The following RGS12 variants were observed in gnomAD, a reference collection of about 807,000 sequenced individuals.
RGS12 encodes the protein regulator of G protein signaling 12.
RGS12 carries 66 observed loss-of-function variants against 120.1 expected under a neutral mutation model. The observed-to-expected ratio is 0.55, with a 90% CI of 0.45 to 0.67. The LOEUF is 0.67. RGS12 is among the 30% of genes least tolerant of loss of function. The probability of loss-of-function intolerance (pLI) is 0.00; values close to 1 mark genes in which losing one functional copy is unlikely to be tolerated. For synonymous variants in RGS12, 827 were observed against 804.7 expected, an observed-to-expected ratio of 1.03 and a Z score of -0.47; for missense variants, 1,859 against 1,957.7, an observed-to-expected ratio of 0.95 and a Z score of 0.95.
intron 15 of RGS12, 44 bp from the exon 16 acceptor site, chr4:3,428,514 T>C (rs1247137433): frequency 1.3e-6 from 2 of 1,495,340 alleles, no homozygotes; most frequent in East Asian, 2.3e-5. Flanking sequence ...TGTATTGTCG[T>C]GTATTGAAAT....
intron 3 of RGS12, among the ~76,000 whole-genome samples, chr4:3,355,764 T>G (rs2108817084): frequency 8.0e-6 from 1 of 124,260 alleles, no homozygotes; most frequent in South Asian, 2.4e-4. Flanking sequence ...CGCTGCATTC[T>G]AGGCTGGGGG....
upstream of RGS12, among the ~76,000 whole-genome samples, chr4:3,289,662 A>AT (rs1303964702): frequency 6.6e-6 from 1 of 152,134 alleles, no homozygotes; most frequent in Non-Finnish European, 1.5e-5. Context: ...TTCACATCCC[A>AT]TTTTTTGTGA....
intron 3 of RGS12, among the ~76,000 whole-genome samples, chr4:3,349,948 A>G (rs765439589): frequency 2.6e-5 from 4 of 152,238 alleles, no homozygotes; most frequent in Admixed American, 6.5e-5. Flanking sequence ...ATTACATGAC[A>G]GTCTATAAGC....
intron 1 of RGS12, among the ~76,000 whole-genome samples, chr4:3,306,526 C>T (rs1397646985): frequency 1.3e-5 from 2 of 152,250 alleles, no homozygotes; most frequent in Non-Finnish European, 2.9e-5. Context: ...TATTTGGGCT[C>T]CTGTCCTGCC....
At chr4:3,368,253 CAG>C (rs1012288771) in intron 3 of RGS12, among the ~76,000 whole-genome samples, 1 of 152,212 alleles carries the variant, frequency 6.6e-6, no homozygotes, top group Non-Finnish European at 1.5e-5. Context: ...AGGTCAGCGT[CAG>C]GGGCTCACCC....
In RGS12 at chr4:3,335,915, C is replaced by T. The variant is rs544014402; in HGVS notation, c.1882-7022C>T. On this transcript the variant is annotated intron_variant, in intron 2 of 17. Coordinates refer to ENST00000336727, the MANE Select transcript of RGS12 (RefSeq NM_001394154.1). ...GACCAGCCTGGCCAACATAGTGAAA[C>T]CCCGTCTCTACTAAAAATACAAAAA... Among the ~76,000 whole-genome samples the T allele has an allele frequency of 1.0e-3, 154 of 152,244 alleles. 1 individual carries two copies. The highest frequency in any genetic ancestry group is 3.6e-3 in the African/African-American group (148 of 41,542).
intron 3 of RGS12, among the ~76,000 whole-genome samples, chr4:3,382,361 C>T (rs1032619933): frequency 6.6e-6 from 1 of 152,204 alleles, no homozygotes; most frequent in African/African-American, 2.4e-5. Context: ...TCCTCCTCAG[C>T]TCCACTCCTG....
At chr4:3,286,840 G>A in the RGS12 span, among the ~76,000 whole-genome samples, 442 of 152,358 alleles carry the variant, frequency 2.9e-3, 4 homozygotes, top group Middle Eastern at 0.01. Flanking sequence ...GGCCCTTAGT[G>A]CGCTGCTAGG....
At chr4:3,368,125 G>A (rs1423231311) in intron 3 of RGS12, among the ~76,000 whole-genome samples, 1 of 152,170 alleles carries the variant, frequency 6.6e-6, no homozygotes, top group East Asian at 1.9e-4. Context: ...GGGTCTGGGG[G>A]CCCTGGGGGG....
chr4:3,432,020 A>G (rs1310269740), intron 17 of RGS12: 4 of 985,228 alleles, frequency 4.1e-6, no homozygotes, highest in Non-Finnish European at 4.8e-6. Context: ...CTGGATGAGA[A>G]AGCCTGAGGT....
At chr4:3,333,045 C>G (rs1340506659) in intron 2 of RGS12, among the ~76,000 whole-genome samples, 2 of 139,374 alleles carry the variant, frequency 1.4e-5, no homozygotes, top group African/African-American at 5.4e-5. Flanking sequence ...AGGCTGGTCT[C>G]AAACTCTTTT....
intron 4 of RGS12, among the ~76,000 whole-genome samples, chr4:3,388,880 T>G (rs1480658992): frequency 6.6e-6 from 1 of 152,206 alleles, no homozygotes; most frequent in Admixed American, 6.5e-5. Flanking sequence ...AGCACCCCAG[T>G]GTTTTTATGG....
intron 2 of RGS12, among the ~76,000 whole-genome samples, chr4:3,340,951 C>T (rs577336303): frequency 2.3e-4 from 35 of 152,174 alleles, no homozygotes; most frequent in Admixed American, 7.8e-4. Context: ...GGCACCTGGC[C>T]GCTGTGCTTC....
chr4:3,301,568 A>G (rs1723688950), intron 1 of RGS12, among the ~76,000 whole-genome samples: 1 of 150,504 alleles, frequency 6.6e-6, no homozygotes, highest in African/African-American at 2.5e-5. Flanking sequence ...AGGGCCAGGG[A>G]TGGAGAGTGA....
At chr4:3,423,926 C>G in intron 13 of RGS12, 1 of 350,562 alleles carries the variant, frequency 2.9e-6, no homozygotes, top group Non-Finnish European at 5.4e-6. Context: ...GCAACCAACC[C>G]TGGACTATCC....
intron 2 of RGS12, among the ~76,000 whole-genome samples, chr4:3,321,238 C>T (rs773760964): frequency 3.3e-5 from 5 of 152,096 alleles, no homozygotes; most frequent in African/African-American, 7.2e-5. Context: ...GAAAAGTGGG[C>T]GTGGGAGGCT....
chr4:3,331,646 G>C (rs2108737104), intron 2 of RGS12, among the ~76,000 whole-genome samples: 1 of 152,300 alleles, frequency 6.6e-6, no homozygotes, highest in South Asian at 2.1e-4. Context: ...ATTCTAAAAG[G>C]GTCACAGCTC....
chr4:3,413,970 A>C, intron 4 of RGS12, 102 bp from the exon 5 acceptor site: 16 of 1,255,242 alleles, frequency 1.3e-5, no homozygotes, highest in East Asian at 2.6e-5. Context: ...TGGAGGGGAC[A>C]GAGCTTGCTG....
At chr4:3,301,753 T>G (rs1723701231) in intron 1 of RGS12, among the ~76,000 whole-genome samples, 2 of 147,554 alleles carry the variant, frequency 1.4e-5, no homozygotes, top group African/African-American at 5.1e-5. Context: ...GAAGCAGGTA[T>G]GAGGGAATGA....
Sources: allele counts gnomAD v4.1 joint callset (sites outside exome capture counted in the v4.1 genomes callset), GRCh38; gene constraint gnomAD v4.1.1; transcripts MANE v1.5; gene names NCBI Gene and HGNC (gene_info 2026-07-23, HGNC 2026-07-21).